The following AGBL4 variants were observed in gnomAD, a reference collection of about 807,000 sequenced individuals.
AGBL4 encodes AGBL carboxypeptidase 4, also known as cytosolic carboxypeptidase 6.
A neutral mutation model predicts 66.4 loss-of-function variants in AGBL4; 58 were observed. The observed-to-expected ratio is 0.87, with a 90% CI of 0.71 to 1.09. The LOEUF (loss-of-function observed/expected upper bound fraction) is 1.09. Among genes scored for constraint, AGBL4 ranks in the 50% least tolerant of loss-of-function variants. The pLI, the probability that AGBL4 is intolerant of heterozygous loss-of-function variation, is 0.00. For synonymous variants in AGBL4, 234 were observed against 222.9 expected, an observed-to-expected ratio of 1.05 and a Z score of -0.44; for missense variants, 579 against 631.0, an observed-to-expected ratio of 0.92 and a Z score of 0.88.
chr1:48,759,017 G>A (rs1218715752), intron 6 of AGBL4: 1 of 1,614,004 alleles, frequency 6.2e-7, no homozygotes, highest in African/African-American at 1.3e-5. Context: ...TGTACCAGCT[G>A]CCTCCGAGTC....
intron 6 of AGBL4, among the ~76,000 whole-genome samples, chr1:48,848,481 T>G (rs1646966438): frequency 6.6e-6 from 1 of 152,216 alleles, no homozygotes. Context: ...GGCAAATCTA[T>G]CTCGGCCTTA....
At chr1:49,834,061 C>T (rs376909726) in intron 2 of AGBL4, among the ~76,000 whole-genome samples, 1 of 152,214 alleles carries the variant, frequency 6.6e-6, no homozygotes, top group East Asian at 1.9e-4. Context: ...TGTTGTGTCT[C>T]TGCCAGGTTT....
rs532686985 is a variant in AGBL4 at position 49,483,116 on chromosome 1, G to A, written c.282+214197C>T. Among the ~76,000 whole-genome samples the A allele has an allele frequency of 1.6e-4, 25 of 152,144 alleles. No individual in the cohort carries two copies. The East Asian group carries it at 3.5e-3, about 21-fold the overall frequency. ...CTGTTATTTCTGGATGGAGAGTTCCGTAGATATCTGATGCATTTGATCCAG... is the reference window on the plus strand; with the variant it reads ...CTGTTATTTCTGGATGGAGAGTTCCATAGATATCTGATGCATTTGATCCAG... On this transcript the variant is annotated intron_variant, in intron 3 of 13. Coordinates refer to ENST00000371839, the MANE Select transcript of AGBL4 (RefSeq NM_032785.4).
At chr1:48,807,547 A>C (rs762362105) in intron 6 of AGBL4, among the ~76,000 whole-genome samples, 5 of 152,144 alleles carry the variant, frequency 3.3e-5, no homozygotes, top group Non-Finnish European at 5.9e-5. Flanking sequence ...GTTGGGGTGT[A>C]GTGTTGTTTC....
intron 3 of AGBL4, among the ~76,000 whole-genome samples, chr1:49,518,892 A>T (rs1451431634): frequency 6.6e-6 from 1 of 152,112 alleles, no homozygotes; most frequent in Non-Finnish European, 1.5e-5. Context: ...TTAAAGGCAC[A>T]CATATAAAGT....
At chr1:48,597,837 AAAAG>A (rs1478114843) in intron 9 of AGBL4, among the ~76,000 whole-genome samples, 85 of 151,174 alleles carry the variant, frequency 5.6e-4, no homozygotes, top group Admixed American at 5.3e-4. Context: ...GAAAGAGAGA[AAAAG>A]AAAGGAAGGA....
chr1:49,072,328 T>C (rs1215464454), intron 4 of AGBL4, among the ~76,000 whole-genome samples: 1 of 152,196 alleles, frequency 6.6e-6, no homozygotes, highest in Non-Finnish European at 1.5e-5. Context: ...GATGCTGTTC[T>C]TCATAGCATC....
At chr1:49,797,750 A>C (rs887443567) in intron 2 of AGBL4, among the ~76,000 whole-genome samples, 1 of 151,864 alleles carries the variant, frequency 6.6e-6, no homozygotes, top group Non-Finnish European at 1.5e-5. Context: ...GCACAGCCTT[A>C]ATTATCATTT....
chr1:48,904,399 A>C (rs958178534), intron 5 of AGBL4, among the ~76,000 whole-genome samples: 10 of 152,230 alleles, frequency 6.6e-5, no homozygotes, highest in African/African-American at 2.4e-4. Context: ...GTCATTGCTC[A>C]AAGTCTAGTG....
intron 3 of AGBL4, among the ~76,000 whole-genome samples, chr1:49,432,632 T>G (rs185027040): frequency 6.6e-6 from 1 of 151,930 alleles, no homozygotes; most frequent in South Asian, 2.1e-4. Context: ...ATGGTTTTAC[T>G]TTTTATATTA....
chr1:49,561,364 G>A (rs1305493), intron 3 of AGBL4, among the ~76,000 whole-genome samples: 3 of 151,350 alleles, frequency 2.0e-5, no homozygotes, highest in African/African-American at 7.3e-5. Context: ...ACAACATGCA[G>A]GTTACATATG....
chr1:49,303,374 C>T (rs972558120), intron 3 of AGBL4, among the ~76,000 whole-genome samples: 3 of 152,116 alleles, frequency 2.0e-5, no homozygotes, highest in Admixed American at 2.0e-4. Context: ...TGGAATCTCA[C>T]TGTGGCTTTG....
rs79790965 is a variant in AGBL4 at position 49,497,919 on chromosome 1, T to G, written c.282+199394A>C. Among the ~76,000 whole-genome samples the G allele has an allele frequency of 2.1e-3, 314 of 152,168 alleles. 4 individuals carry two copies. The highest frequency in any genetic ancestry group is 7.0e-3 in the African/African-American group (292 of 41,570). ...TTTCAATTTCTGTGTAAAATGTCAT[T>G]AGAATTTTTATATAAACTACATTGA... On this transcript the variant is annotated intron_variant, in intron 3 of 13. Transcript: ENST00000371839.
At chr1:49,947,470 A>T (rs927360068) in intron 1 of AGBL4, among the ~76,000 whole-genome samples, 4 of 151,966 alleles carry the variant, frequency 2.6e-5, no homozygotes, top group African/African-American at 9.7e-5. Flanking sequence ...GATGCAGCAA[A>T]AGCATTTGAC....
At chr1:49,938,901 G>C (rs921386672) in intron 1 of AGBL4, among the ~76,000 whole-genome samples, 4 of 151,992 alleles carry the variant, frequency 2.6e-5, no homozygotes, top group African/African-American at 9.7e-5. Context: ...AGGAAAAGAG[G>C]AAGTCAAATT....
chr1:49,883,610 C>T (rs527796533), intron 1 of AGBL4, among the ~76,000 whole-genome samples: 19 of 151,888 alleles, frequency 1.3e-4, no homozygotes, highest in African/African-American at 4.6e-4. Context: ...ATTACTAAAA[C>T]AAAAAAAGGA....
chr1:49,782,841 C>T (rs1644368076), intron 2 of AGBL4, among the ~76,000 whole-genome samples: 1 of 152,096 alleles, frequency 6.6e-6, no homozygotes, highest in African/African-American at 2.4e-5. Flanking sequence ...GCAAGAAGTC[C>T]CTTGCCAGAT....
intron 6 of AGBL4, among the ~76,000 whole-genome samples, chr1:48,843,252 C>G (rs1311519898): frequency 6.6e-6 from 1 of 151,948 alleles, no homozygotes; most frequent in Non-Finnish European, 1.5e-5. Flanking sequence ...TTTGGAACAA[C>G]AATGATTGAT....
At chr1:49,418,229 A>G (rs1645470427) in intron 3 of AGBL4, among the ~76,000 whole-genome samples, 1 of 152,192 alleles carries the variant, frequency 6.6e-6, no homozygotes, top group African/African-American at 2.4e-5. Context: ...CAGCTGTTGG[A>G]AAATTTCTAA....
Sources: gnomAD v4.1 joint callset for allele counts (sites outside exome capture counted in the v4.1 genomes callset) on GRCh38, gnomAD v4.1.1 for gene constraint, MANE v1.5 for transcripts, NCBI Gene and HGNC (gene_info 2026-07-23, HGNC 2026-07-21) for gene names.